MAST4: variants seen among roughly 807,000 people sequenced by gnomAD.
MAST4 encodes microtubule-associated serine/threonine-protein kinase 4.
MAST4 carries 89 observed loss-of-function variants against 162.7 expected under a neutral mutation model. That is an observed-to-expected ratio of 0.55 (90% CI 0.46 to 0.65). The LOEUF (loss-of-function observed/expected upper bound fraction) is 0.65, where lower values mean the gene tolerates loss of function less well. Among genes scored for constraint, MAST4 ranks in the 30% least tolerant of loss-of-function variants. The probability of loss-of-function intolerance (pLI) is 0.00; values close to 1 mark genes in which losing one functional copy is unlikely to be tolerated. For synonymous variants in MAST4, 1,479 were observed against 1,361.1 expected, an observed-to-expected ratio of 1.09 and a Z score of -1.91; for missense variants, 3,153 against 3,374.0, an observed-to-expected ratio of 0.93 and a Z score of 1.62.
intron 2 of MAST4, among the ~76,000 whole-genome samples, chr5:66,760,648 A>G (rs1237842006): frequency 6.6e-6 from 1 of 151,436 alleles, no homozygotes; most frequent in Non-Finnish European, 1.5e-5. Flanking sequence ...CAGAGTATCT[A>G]CTCCTTTGGT....
chr5:66,742,181 G>C (rs762762188), intron 1 of MAST4, among the ~76,000 whole-genome samples: 1 of 152,182 alleles, frequency 6.6e-6, no homozygotes, highest in Admixed American at 6.5e-5. Context: ...CACTTGGAGC[G>C]TGAGAGACGG....
chr5:67,151,793 G>T (rs1237219963), intron 24 of MAST4, among the ~76,000 whole-genome samples: 25 of 137,208 alleles, frequency 1.8e-4, no homozygotes, highest in African/African-American at 6.9e-4. Flanking sequence ...TTTGAGATAG[G>T]GTCTTGCTCT....
intron 1 of MAST4, among the ~76,000 whole-genome samples, chr5:66,644,522 A>G (rs1472427170): frequency 6.6e-6 from 1 of 152,206 alleles, no homozygotes; most frequent in Non-Finnish European, 1.5e-5. Flanking sequence ...TTTCCCTGAG[A>G]CAGGTACCTA....
Position 67,142,096 on chromosome 5 carries a change from T to G in MAST4, c.2495-19T>G. ...ATAGTTTAACACTTTCCTCTCTGTC[T>G]CTACCTGCCCCCTTCCAGGTGGTGC... On this transcript the variant is annotated intron_variant, in intron 19 of 28. Transcript: ENST00000403625. 6.2e-7 allele frequency: 1 copy of G among 1,611,704 alleles called. No homozygotes were observed. Among genetic ancestry groups the G allele is most frequent in the Non-Finnish European group, 8.5e-7 (1 of 1,178,200 alleles).
chr5:67,125,017 A>G (rs1170976982), intron 14 of MAST4, among the ~76,000 whole-genome samples: 1 of 152,182 alleles, frequency 6.6e-6, no homozygotes, highest in African/African-American at 2.4e-5. Context: ...GAAAATCAGA[A>G]TGGCCACCTT....
intron 22 of MAST4, 118 bp from the exon 23 acceptor site, chr5:67,145,026 C>G: frequency 2.1e-6 from 2 of 939,344 alleles, no homozygotes; most frequent in Non-Finnish European, 3.3e-6. Context: ...AACCATTGCA[C>G]TAGACATCTC....
chr5:66,653,975 A>G (rs1746389356), intron 1 of MAST4, among the ~76,000 whole-genome samples: 1 of 152,212 alleles, frequency 6.6e-6, no homozygotes, highest in South Asian at 2.1e-4. Context: ...TTGTTCAACA[A>G]TTATATATTG....
chr5:66,807,444 T>C (rs147063555), intron 3 of MAST4, among the ~76,000 whole-genome samples: 7,266 of 149,058 alleles, frequency 0.049, 263 homozygotes, highest in South Asian at 0.13. Flanking sequence ...TGCAGTGAGC[T>C]GAGATTGCGC....
intron 4 of MAST4, among the ~76,000 whole-genome samples, chr5:66,942,658 T>C (rs1743492980): frequency 6.6e-6 from 1 of 152,096 alleles, no homozygotes; most frequent in African/African-American, 2.4e-5. Context: ...TTGGCATACA[T>C]GTGTACAAAA....
rs771834263 is a variant in MAST4 at position 67,166,870 on chromosome 5, A to C, written c.7691A>C (p.Asp2564Ala). 8.7e-6 allele frequency: 14 copies of C among 1,606,618 alleles called. 1 individual carries two copies. The South Asian group carries it at 1.6e-4, about 18-fold the overall frequency. ...TATVGETKGK[D>A]PAPAQPPPAR... ...ACCGTAGGGGAAACCAAAGGGAAGG[A>C]CCCTGCCCCAGCCCAGCCTCCCCCA... is the stretch of plus-strand genomic sequence containing the variant. The change falls in exon 29 of 29, where the codon GAC becomes GCC. Residue 2564 changes from aspartate (D) to alanine (A), a missense_variant. Physicochemically the swap from Asp to Ala is moderately radical, Grantham distance 126 (BLOSUM62 -2). This residue lies in a region of MAST4 where 1,644 missense variants were observed against 1,495.0 expected (regional missense o/e 1.10). Transcript: ENST00000403625.
intron 4 of MAST4, among the ~76,000 whole-genome samples, chr5:66,910,111 A>T (rs1458358082): frequency 2.0e-5 from 3 of 152,220 alleles, no homozygotes; most frequent in African/African-American, 7.2e-5. Flanking sequence ...CACCCACAGT[A>T]TGGACCCAAT....
chr5:66,729,735 T>G (rs1751728797), intron 1 of MAST4, among the ~76,000 whole-genome samples: 1 of 152,234 alleles, frequency 6.6e-6, no homozygotes. Context: ...GTATCGTTGC[T>G]TTCTCTCAGC....
chr5:67,138,434 GGTTT>G lies in MAST4; in HGVS notation c.2494+1783_2494+1786del, dbSNP rs573654845. On this transcript the variant is annotated intron_variant, in intron 19 of 28. Transcript: ENST00000403625. ...TTTTTGGTTGGTGGGTGGGTGGGGT[GGTTT>G]GTTTGTTTGTTTAGAGATGGCATCT... Among the ~76,000 whole-genome samples, 20 of 152,024 alleles carry G rather than the reference GGTTT, an allele frequency of 1.3e-4. No homozygotes were observed. In the East Asian group the frequency reaches 3.5e-3, roughly 26 times the overall value.
intron 14 of MAST4, among the ~76,000 whole-genome samples, chr5:67,123,641 T>C (rs957898779): frequency 1.3e-5 from 2 of 152,206 alleles, no homozygotes; most frequent in African/African-American, 4.8e-5. Flanking sequence ...GCCATCCTAA[T>C]TGGAGTTGTA....
intron 3 of MAST4, among the ~76,000 whole-genome samples, chr5:66,795,537 T>C (rs922606171): frequency 3.3e-5 from 5 of 152,248 alleles, no homozygotes; most frequent in South Asian, 2.1e-4. Context: ...CACTATACCC[T>C]GGTCAGCAGT....
intron 1 of MAST4, among the ~76,000 whole-genome samples, chr5:66,720,710 TG>T (rs1197227564): frequency 2.6e-5 from 4 of 152,224 alleles, no homozygotes; most frequent in Admixed American, 2.6e-4. Flanking sequence ...ATCTTTTTAA[TG>T]ATTCTTTCTT....
intron 4 of MAST4, among the ~76,000 whole-genome samples, chr5:66,993,493 TA>T (rs776644948): frequency 6.6e-6 from 1 of 152,126 alleles, no homozygotes; most frequent in Non-Finnish European, 1.5e-5. Context: ...TGCATATGAA[TA>T]AAATTCATTG....
At chr5:66,935,461 G>A (rs577433303) in intron 4 of MAST4, among the ~76,000 whole-genome samples, 6 of 151,990 alleles carry the variant, frequency 3.9e-5, no homozygotes, top group South Asian at 2.1e-4. Context: ...TTCCAACCTG[G>A]TTATCCCTCC....
At chr5:66,916,780 G>C (rs1336536227) in intron 4 of MAST4, among the ~76,000 whole-genome samples, 1 of 152,026 alleles carries the variant, frequency 6.6e-6, no homozygotes, top group Non-Finnish European at 1.5e-5. Context: ...CAAGTCAGTG[G>C]ATACAAATTT....
Sources: allele counts gnomAD v4.1 joint callset (sites outside exome capture counted in the v4.1 genomes callset), GRCh38; gene constraint gnomAD v4.1.1; regional missense constraint gnomAD v4.1.1; transcripts MANE v1.5; gene names NCBI Gene and HGNC (gene_info 2026-07-23, HGNC 2026-07-21).